RBMS3: variants seen among roughly 807,000 people sequenced by gnomAD.
RBMS3 encodes the protein RNA-binding motif, single-stranded-interacting protein 3.
RBMS3 carries 27 observed loss-of-function variants against 66.8 expected under a neutral mutation model. The observed-to-expected ratio is 0.40, with a 90% CI of 0.30 to 0.56. RBMS3 has a LOEUF of 0.56. RBMS3 is among the 20% of genes least tolerant of loss of function. RBMS3 has a pLI of 0.40. For synonymous variants in RBMS3, 188 were observed against 183.0 expected, an observed-to-expected ratio of 1.03 and a Z score of -0.22; for missense variants, 513 against 549.5, an observed-to-expected ratio of 0.93 and a Z score of 0.66.
At chr3:29,980,043 C>G (rs986337688) in intron 12 of RBMS3, among the ~76,000 whole-genome samples, 1 of 152,164 alleles carries the variant, frequency 6.6e-6, no homozygotes, top group Non-Finnish European at 1.5e-5. Flanking sequence ...CTAATTTACA[C>G]TTCCATCAAC....
Position 29,384,435 on chromosome 3 carries a change from T to TAATAATAAGAAGAAG in RBMS3, c.76-50306_76-50305insTAATAAGAAGAAGAA, listed in dbSNP as rs776357215. On this transcript the variant is annotated intron_variant, in intron 1 of 14. Transcript: ENST00000383767. ...TATACACCAATAATAATAATAATAA[T>TAATAATAAGAAGAAG]AAGAAGAAGAAGAAGAAGAAGAAGA... 7.2e-3 allele frequency among the ~76,000 whole-genome samples: 1,011 copies of TAATAATAAGAAGAAG among 141,088 alleles called. 8 individuals carry two copies. Among genetic ancestry groups the TAATAATAAGAAGAAG allele is most frequent in the Admixed American group, 0.016 (230 of 14,042 alleles). The allele number at this position is 141,088 out of a possible 152,430, so 92.6% of individuals were successfully genotyped here.
intron 4 of RBMS3, among the ~76,000 whole-genome samples, chr3:29,676,585 G>T (rs1188222506): frequency 1.3e-5 from 2 of 151,962 alleles, no homozygotes; most frequent in African/African-American, 4.8e-5. Context: ...GTTCACTTTA[G>T]TTCTGTATTT....
At chr3:29,520,672 A>G (rs2044822005) in intron 3 of RBMS3, among the ~76,000 whole-genome samples, 1 of 152,176 alleles carries the variant, frequency 6.6e-6, no homozygotes. Flanking sequence ...CATATGCACT[A>G]TATACAAATT....
chr3:29,391,023 G>T, intron 1 of RBMS3: 1 of 394,250 alleles, frequency 2.5e-6, no homozygotes, highest in Admixed American at 2.2e-5. Context: ...AATGAGCTTT[G>T]TATGTCAAGT....
chr3:29,943,582 C>T (rs1019477375), intron 11 of RBMS3, among the ~76,000 whole-genome samples: 9 of 151,668 alleles, frequency 5.9e-5, no homozygotes, highest in African/African-American at 1.9e-4. Flanking sequence ...TAAAGATAAC[C>T]GTCACGTTCA....
At chr3:29,451,419 A>G (rs981965325) in intron 2 of RBMS3, among the ~76,000 whole-genome samples, 1 of 152,180 alleles carries the variant, frequency 6.6e-6, no homozygotes. Context: ...TAAAATAAAG[A>G]TAGTAAAGGT....
intron 1 of RBMS3, among the ~76,000 whole-genome samples, chr3:29,353,409 G>A (rs150011036): frequency 3.6e-4 from 54 of 151,924 alleles, no homozygotes; most frequent in African/African-American, 1.1e-3. Flanking sequence ...GCCATTTTGC[G>A]TTAAAGGAGT....
chr3:29,942,249 T>C (rs943430531), intron 11 of RBMS3, among the ~76,000 whole-genome samples: 1 of 151,840 alleles, frequency 6.6e-6, no homozygotes, highest in African/African-American at 2.4e-5. Flanking sequence ...CAGGCTGTAG[T>C]GGTTCATGCC....
intron 10 of RBMS3, among the ~76,000 whole-genome samples, chr3:29,924,068 G>A (rs145353239): frequency 1.3e-3 from 202 of 152,208 alleles, no homozygotes; most frequent in African/African-American, 3.6e-3. Flanking sequence ...AATAAATGCC[G>A]AATATTCTTG....
At chr3:29,432,181 C>T (rs1310011024) in intron 1 of RBMS3, among the ~76,000 whole-genome samples, 6 of 152,054 alleles carry the variant, frequency 3.9e-5, no homozygotes, top group African/African-American at 1.4e-4. Flanking sequence ...AGGAGGTTTC[C>T]AGGAGGCTGT....
chr3:29,305,211 T>C (rs1287600088), intron 1 of RBMS3, among the ~76,000 whole-genome samples: 1 of 151,966 alleles, frequency 6.6e-6, no homozygotes. Flanking sequence ...GACCACCTAG[T>C]TTAAAAGAAT....
At chr3:29,970,743 GTTGA>G (rs972652945) in intron 12 of RBMS3, among the ~76,000 whole-genome samples, 3 of 151,886 alleles carry the variant, frequency 2.0e-5, no homozygotes, top group African/African-American at 7.3e-5. Flanking sequence ...TTTATTCTAG[GTTGA>G]TTTTGATGTA....
intron 1 of RBMS3, among the ~76,000 whole-genome samples, chr3:29,416,162 C>A (rs1423826754): frequency 6.6e-6 from 1 of 151,896 alleles, no homozygotes; most frequent in Non-Finnish European, 1.5e-5. Context: ...TGGAAGATCA[C>A]CTCTTGATAT....
At chr3:29,372,044 G>A (rs1277027700) in intron 1 of RBMS3, among the ~76,000 whole-genome samples, 1 of 152,124 alleles carries the variant, frequency 6.6e-6, no homozygotes, top group African/African-American at 2.4e-5. Flanking sequence ...ATAGCCAAAA[G>A]GCACCTGGTA....
chr3:29,852,037 A>C (rs890627886), intron 6 of RBMS3, among the ~76,000 whole-genome samples: 2 of 152,182 alleles, frequency 1.3e-5, no homozygotes, highest in African/African-American at 4.8e-5. Context: ...ACTTACAACT[A>C]TCTAATCTTC....
chr3:29,675,694 T>C (rs2051217445), intron 4 of RBMS3, among the ~76,000 whole-genome samples: 1 of 152,174 alleles, frequency 6.6e-6, no homozygotes, highest in Admixed American at 6.6e-5. Context: ...TCATCACTGG[T>C]CTTCAGAGAA....
At chr3:29,757,087 C>T (rs2055450782) in intron 5 of RBMS3, among the ~76,000 whole-genome samples, 1 of 152,136 alleles carries the variant, frequency 6.6e-6, no homozygotes, top group African/African-American at 2.4e-5. Flanking sequence ...GATGAAAGTT[C>T]CAACCCACTA....
At chr3:29,455,283 A>G (rs543708356) in intron 2 of RBMS3, among the ~76,000 whole-genome samples, 1 of 152,342 alleles carries the variant, frequency 6.6e-6, no homozygotes, top group African/African-American at 2.4e-5. Context: ...GAATTGTCTT[A>G]TCCTTTATTG....
chr3:29,645,666 G>GTAA (rs575821998), intron 4 of RBMS3, among the ~76,000 whole-genome samples: 104 of 152,234 alleles, frequency 6.8e-4, no homozygotes, highest in African/African-American at 2.4e-3. Flanking sequence ...TAAAAAGTCA[G>GTAA]CTTCTGTAAC....
Sources: gnomAD v4.1 joint callset for allele counts (sites outside exome capture counted in the v4.1 genomes callset) on GRCh38, gnomAD v4.1.1 for gene constraint, MANE v1.5 for transcripts, NCBI Gene and HGNC (gene_info 2026-07-23, HGNC 2026-07-21) for gene names.